ZFAND6: variants seen among roughly 807,000 people sequenced by gnomAD.
The protein encoded by ZFAND6 is zinc finger AN1-type containing 6, also known as AN1-type zinc finger protein 6.
In ZFAND6, 12 loss-of-function variants were observed where a neutral mutation model predicts 24.5. The ratio of observed to expected loss-of-function variants is 0.49; its 90% CI spans 0.31 to 0.79. The LOEUF is 0.79. ZFAND6 is among the 30% of genes least tolerant of loss of function. The probability of loss-of-function intolerance (pLI) is 0.04; values close to 1 mark genes in which losing one functional copy is unlikely to be tolerated. For missense variants in ZFAND6, 207 were observed against 245.9 expected, an observed-to-expected ratio of 0.84 and a Z score of 1.06; for synonymous variants, 92 against 81.5, an observed-to-expected ratio of 1.13 and a Z score of -0.69.
At chr15:80,076,674 G>A (rs899031716) in intron 1 of ZFAND6, among the ~76,000 whole-genome samples, 5 of 152,076 alleles carry the variant, frequency 3.3e-5, no homozygotes, top group African/African-American at 1.2e-4. Context: ...ATTTGTCTAA[G>A]GTCTCCTTGG....
rs1567052335 is a variant in ZFAND6, at chr15:80,073,369, A to G, written c.-181+13560A>G. 3 of 295,312 alleles carry G rather than the reference A, an allele frequency of 1.0e-5. No homozygotes were observed. The East Asian group carries it at 3.1e-4, about 30-fold the overall frequency. The allele number at this position is 295,312 out of a possible 1,614,324, so 18.3% of individuals were successfully genotyped here. ...ACTTTTTTTTAAAGTATCTGATTCT[A>G]TTTACATTTCTTATTTATGACGTAA... On this transcript the variant is annotated intron_variant, in intron 1 of 6. Coordinates refer to ENST00000261749, the MANE Select transcript of ZFAND6 (RefSeq NM_019006.4).
chr15:80,097,355 T>C (rs570526797), intron 1 of ZFAND6, among the ~76,000 whole-genome samples: 77 of 152,206 alleles, frequency 5.1e-4, no homozygotes, highest in Middle Eastern at 3.4e-3. Context: ...TTTTTAAAAA[T>C]TAAATCTTTT....
intron 1 of ZFAND6, among the ~76,000 whole-genome samples, chr15:80,090,147 T>C (rs1453037137): frequency 6.6e-6 from 1 of 152,212 alleles, no homozygotes; most frequent in Non-Finnish European, 1.5e-5. Flanking sequence ...ACTTTTTCAT[T>C]TCAGCTTACG....
rs140430978 is a variant in ZFAND6 at position 80,079,936 on chromosome 15, C to T, written c.-180-18480C>T. Among the ~76,000 whole-genome samples, 211 of 152,108 alleles carry T rather than the reference C, an allele frequency of 1.4e-3. 1 individual carries two copies. Among genetic ancestry groups the T allele is most frequent in the African/African-American group, 4.6e-3 (193 of 41,508 alleles). On this transcript the variant is annotated intron_variant, in intron 1 of 6. Transcript: ENST00000261749. ...AAAATGCTGGATTACAGGCATGAGC[C>T]ACCACGCCTGGCCCTTAGCTTTGAG... is the stretch of plus-strand genomic sequence containing the variant.
chr15:80,068,387 T>G (rs549336416), intron 1 of ZFAND6, among the ~76,000 whole-genome samples: 4 of 144,028 alleles, frequency 2.8e-5, no homozygotes, highest in Admixed American at 2.1e-4. Context: ...GAACTTTTTT[T>G]TTGAGATGGA....
At chr15:80,060,132 C>A (rs575713352) in intron 1 of ZFAND6, 1 of 152,076 alleles carries the variant, frequency 6.6e-6, no homozygotes, top group South Asian at 2.1e-4. Context: ...TCTTCAGGGC[C>A]GCGGAGGCCG....
chr15:80,130,501 C>T (rs1017878601), intron 5 of ZFAND6: 2 of 152,010 alleles, frequency 1.3e-5, no homozygotes, highest in Non-Finnish European at 1.5e-5. Context: ...CTGACTCTGG[C>T]GACAGCATTC....
At chr15:80,068,409 T>A (rs985033552) in intron 1 of ZFAND6, among the ~76,000 whole-genome samples, 5 of 151,778 alleles carry the variant, frequency 3.3e-5, no homozygotes, top group Non-Finnish European at 5.9e-5. Flanking sequence ...TCTCGCTCTG[T>A]TGCCCAGGCT....
At chr15:80,080,602 C>T (rs1305834449) in intron 1 of ZFAND6, among the ~76,000 whole-genome samples, 2 of 152,078 alleles carry the variant, frequency 1.3e-5, no homozygotes, top group East Asian at 1.9e-4. Flanking sequence ...CTGAAACAGC[C>T]GACAATGAAA....
At chr15:80,103,952 G>A (rs1034541554) in intron 2 of ZFAND6, among the ~76,000 whole-genome samples, 7 of 152,024 alleles carry the variant, frequency 4.6e-5, no homozygotes, top group Non-Finnish European at 8.8e-5. Flanking sequence ...AGGCTCAGAC[G>A]GTTCTCCCAC....
chr15:80,132,636 CTG>C (rs779313960), intron 6 of ZFAND6, among the ~76,000 whole-genome samples: 1 of 152,200 alleles, frequency 6.6e-6, no homozygotes, highest in South Asian at 2.1e-4. Flanking sequence ...CAGTTTGTCT[CTG>C]TAGTAAATTG....
At chr15:80,083,150 C>T (rs989742791) in intron 1 of ZFAND6, among the ~76,000 whole-genome samples, 8 of 152,208 alleles carry the variant, frequency 5.3e-5, no homozygotes, top group South Asian at 2.1e-4. Flanking sequence ...TGCCACCACG[C>T]CTGGCTAATT....
chr15:80,113,261 T>G (rs1017819830), intron 2 of ZFAND6, among the ~76,000 whole-genome samples: 3 of 152,232 alleles, frequency 2.0e-5, no homozygotes, highest in African/African-American at 7.2e-5. Flanking sequence ...GGGTTTTAAT[T>G]TGAGGAACAT....
intron 6 of ZFAND6, among the ~76,000 whole-genome samples, chr15:80,133,972 C>T (rs2040738675): frequency 6.7e-6 from 1 of 150,292 alleles, no homozygotes; most frequent in Non-Finnish European, 1.5e-5. Context: ...AAGGGACTGC[C>T]TTTTAAAGTT....
intron 2 of ZFAND6, 35 bp from the exon 3 acceptor site, chr15:80,120,293 G>A: frequency 6.9e-7 from 1 of 1,448,662 alleles, no homozygotes; most frequent in Non-Finnish European, 9.2e-7. Context: ...GAAGTTACGT[G>A]TCTGAGTTCT....
At chr15:80,088,793 G>T (rs530254666) in intron 1 of ZFAND6, among the ~76,000 whole-genome samples, 4 of 152,114 alleles carry the variant, frequency 2.6e-5, no homozygotes, top group African/African-American at 9.7e-5. Flanking sequence ...GTTAGTAGTG[G>T]CTATTTAAAT....
Position 80,085,594 on chromosome 15 carries a change from T to G in ZFAND6, c.-180-12822T>G, listed in dbSNP as rs78740782. On this transcript the variant is annotated intron_variant, in intron 1 of 6. Transcript: ENST00000261749. ...ATGGATAGGCAAAAACAAAAAACAC[T>G]CATCATCTAACTAGTTAGCAATAAA... Among the ~76,000 whole-genome samples the G allele has an allele frequency of 0.02, 3,092 of 152,238 alleles. 222 individuals are homozygous for G. In the East Asian group the frequency reaches 0.22, roughly 11 times the overall value.
intron 2 of ZFAND6, among the ~76,000 whole-genome samples, chr15:80,101,300 A>G (rs1302888560): frequency 6.6e-6 from 1 of 152,066 alleles, no homozygotes; most frequent in Non-Finnish European, 1.5e-5. Context: ...CGTCTCTACT[A>G]AAGATACAAA....
At chr15:80,090,040 G>C (rs2038259580) in intron 1 of ZFAND6, among the ~76,000 whole-genome samples, 1 of 151,974 alleles carries the variant, frequency 6.6e-6, no homozygotes, top group Admixed American at 6.6e-5. Context: ...TCTCTTCCTT[G>C]TTTCTATTTG....
Sources: allele counts gnomAD v4.1 joint callset (sites outside exome capture counted in the v4.1 genomes callset), GRCh38; gene constraint gnomAD v4.1.1; transcripts MANE v1.5; gene names NCBI Gene and HGNC (gene_info 2026-07-23, HGNC 2026-07-21).